ELN: variants seen among roughly 807,000 people sequenced by gnomAD.
ELN encodes elastin, also known as tropoelastin.
In ELN, 65 loss-of-function variants were observed where a neutral mutation model predicts 105.8. The observed-to-expected ratio is 0.61, with a 90% CI of 0.50 to 0.75. ELN has a LOEUF of 0.75. ELN is among the 30% of genes least tolerant of loss of function. The pLI is 0.00. For synonymous variants in ELN, 368 were observed against 389.2 expected (o/e 0.95, Z 0.64); for missense variants, 882 against 969.4 (o/e 0.91, Z 1.20).
At chr7:74,030,167 G>A (rs1029920918) in intron 1 of ELN, among the ~76,000 whole-genome samples, 2 of 152,252 alleles carry the variant, frequency 1.3e-5, no homozygotes, top group Admixed American at 6.5e-5. Context: ...CTCGTGTGGG[G>A]TTTTGCACAG....
At chr7:74,065,574 A>C in intron 29 of ELN, 120 bp from the exon 30 acceptor site, 1 of 1,219,460 alleles carries the variant, frequency 8.2e-7, no homozygotes, top group Non-Finnish European at 1.2e-6. Flanking sequence ...GGATCGCGCC[A>C]CTGCACTCCA....
At chr7:74,043,438 C>A in intron 8 of ELN, 1 of 702,910 alleles carries the variant, frequency 1.4e-6, no homozygotes, top group Non-Finnish European at 2.6e-6. Flanking sequence ...GAAACTGAGG[C>A]TCAAAGAGGC....
In ELN at chr7:74,035,379, T is replaced by G; in HGVS notation, c.98T>G (p.Ile33Ser). Residue 33 changes from isoleucine to serine, a missense_variant, in exon 2 of 33, where the codon ATT becomes AGT. Physicochemically the swap from Ile to Ser is moderately radical, Grantham distance 142. Transcript: ENST00000252034. ...PSRPGGVPGAIPGGVPGGVFY... is the reference protein window; with the variant it reads ...PSRPGGVPGASPGGVPGGVFY... ...TTCCTTTCAGGGGTCCCTGGGGCCA[T>G]TCCTGGTGGAGTTCCTGGAGGAGTC... 1 of 1,614,094 alleles carries G rather than the reference T, an allele frequency of 6.2e-7. No individual in the cohort carries two copies. Among genetic ancestry groups the G allele is most frequent in the Non-Finnish European group, 8.5e-7 (1 of 1,180,002 alleles).
chr7:74,060,689 G>A (rs1420173105), intron 25 of ELN, 188 bp downstream of exon 25: 5 of 1,480,498 alleles, frequency 3.4e-6, no homozygotes, highest in Non-Finnish European at 3.7e-6. Context: ...GGGACCCCAG[G>A]CTGCCCAATT....
At chr7:74,060,735 G>T in intron 25 of ELN, 1 of 1,163,392 alleles carries the variant, frequency 8.6e-7, no homozygotes, top group Admixed American at 2.6e-5. Flanking sequence ...GGGGTGGCAG[G>T]GCTCCAGACT....
chr7:74,067,933 C>CAAA (rs782107951), intron 32 of ELN, among the ~76,000 whole-genome samples: 524 of 19,852 alleles, frequency 0.026, 58 homozygotes, highest in African/African-American at 0.063. Context: ...GATTGCGTCT[C>CAAA]AAAAAAAAAA....
At position 74,061,522 on chromosome 7, in the gene ELN, G is replaced by T. The variant is rs544043924; in HGVS notation, c.1786+383G>T. On this transcript the variant is annotated intron_variant, in intron 26 of 32. Coordinates refer to ENST00000252034, the MANE Select transcript of ELN (RefSeq NM_000501.4). ...CAAAAATTAGCCAGGTGTGGTGGCG[G>T]GCACCTGTAATCCCAGCTACTCGGG... is the stretch of plus-strand genomic sequence containing the variant. 3.3e-5 allele frequency among the ~76,000 whole-genome samples: 5 copies of T among 152,084 alleles called. No homozygotes were observed. In the South Asian group the frequency reaches 1.0e-3, roughly 32 times the overall value.
chr7:74,045,328 G>A (rs1554671484), intron 10 of ELN, 35 bp downstream of exon 10: 3 of 1,612,254 alleles, frequency 1.9e-6, no homozygotes, highest in East Asian at 2.2e-5. Flanking sequence ...CTGATGGCAG[G>A]GACTCTCCAA....
chr7:74,041,833 C>T (rs968878812), intron 5 of ELN, among the ~76,000 whole-genome samples: 1 of 152,112 alleles, frequency 6.6e-6, no homozygotes, highest in Admixed American at 6.5e-5. Flanking sequence ...TCCACCTCCC[C>T]GGTTCAAGTG....
chr7:74,036,057 G>A (rs1298757946), intron 2 of ELN, among the ~76,000 whole-genome samples: 1 of 152,128 alleles, frequency 6.6e-6, no homozygotes, highest in African/African-American at 2.4e-5. Context: ...TTGGGAGGCT[G>A]AGGCAGGCGG....
chr7:74,046,927 T>C (rs577201761), intron 12 of ELN, among the ~76,000 whole-genome samples, 160 bp downstream of exon 12: 1 of 152,206 alleles, frequency 6.6e-6, no homozygotes, highest in African/African-American at 2.4e-5. Flanking sequence ...CTACTAAAGA[T>C]ACAAAAATTA....
intron 4 of ELN, among the ~76,000 whole-genome samples, chr7:74,040,467 G>C (rs1230381991): frequency 6.6e-5 from 10 of 152,236 alleles, no homozygotes; most frequent in African/African-American, 2.2e-4. Flanking sequence ...CCCAGGGAAA[G>C]CCAGGGGGGA....
chr7:74,030,970 C>A (rs782707662), intron 1 of ELN, among the ~76,000 whole-genome samples: 4 of 149,664 alleles, frequency 2.7e-5, no homozygotes, highest in Non-Finnish European at 4.4e-5. Flanking sequence ...CAGTGGAGGA[C>A]AGCTTGTTTT....
At chr7:74,053,731 G>A (rs1253312573) in intron 18 of ELN, among the ~76,000 whole-genome samples, 3 of 150,514 alleles carry the variant, frequency 2.0e-5, no homozygotes. Context: ...TGGGTGGGTG[G>A]ATGGATGGAT....
intron 15 of ELN, among the ~76,000 whole-genome samples, chr7:74,049,068 T>C (rs151086925): frequency 1.1e-4 from 15 of 133,010 alleles, no homozygotes; most frequent in African/African-American, 2.0e-4. Context: ...TCCATCCATC[T>C]ATCCATCCAT....
intron 2 of ELN, chr7:74,035,658 C>T: frequency 5.1e-6 from 3 of 591,250 alleles, no homozygotes; most frequent in Non-Finnish European, 9.3e-6. Flanking sequence ...TTGCTTGAGG[C>T]CAGGAGTTTC....
intron 9 of ELN, among the ~76,000 whole-genome samples, chr7:74,044,490 G>T (rs540620360): frequency 1.3e-5 from 2 of 152,312 alleles, no homozygotes; most frequent in African/African-American, 4.8e-5. Context: ...ACAGCCCGAG[G>T]CGGGCCCCCG....
rs1554680975 is a variant in ELN at position 74,057,469 on chromosome 7, G to A, written c.1358-171G>A. 6 of 1,558,632 alleles carry A rather than the reference G, an allele frequency of 3.8e-6. No homozygotes were observed. In the East Asian group the frequency reaches 9.0e-5, roughly 23 times the overall value. On this transcript the variant is annotated intron_variant, in intron 21 of 32. Coordinates refer to ENST00000252034, the MANE Select transcript of ELN (RefSeq NM_000501.4). ...GTGCCGGGCACGGGAGGAGTGCCAG[G>A]TGAGCTGTGTCTCCAGCCCAGAGAT...
At chr7:74,048,444 G>A in intron 14 of ELN, 59 bp from the exon 15 acceptor site, 1 of 1,612,246 alleles carries the variant, frequency 6.2e-7, no homozygotes, top group Non-Finnish European at 8.5e-7. Flanking sequence ...GGAACAAGTG[G>A]GCTCTGGAGA....
Sources: allele counts gnomAD v4.1 joint callset (sites outside exome capture counted in the v4.1 genomes callset), GRCh38; gene constraint gnomAD v4.1.1; transcripts MANE v1.5; gene names NCBI Gene and HGNC (gene_info 2026-07-23, HGNC 2026-07-21).